The following RANBP17 variants were observed in gnomAD, a reference collection of about 807,000 sequenced individuals.
RANBP17 encodes the protein RAN binding protein 17, also known as ran-binding protein 17.
RANBP17 carries 158 observed loss-of-function variants against 141.2 expected under a neutral mutation model. The ratio of observed to expected loss-of-function variants is 1.12; its 90% CI spans 0.98 to 1.28. RANBP17 has a LOEUF of 1.28. Ranked by LOEUF, RANBP17 falls within the 50% of genes most tolerant of loss-of-function variation. The pLI is 0.00. For synonymous variants in RANBP17, 430 were observed against 450.0 expected (o/e 0.96, Z 0.56); for missense variants, 1,438 against 1,290.7 (o/e 1.11, Z -1.75).
Position 170,862,054 on chromosome 5 carries a change from C to G in RANBP17, c.18+3C>G, listed in dbSNP as rs1279842292. ...GGAAGATGGCGCTGCACTTCCAGGT[C>G]AGTGTGCTCTGCGCCGCGGGCCCGC... On this transcript the variant is annotated splice_donor_region_variant and intron_variant, in intron 1 of 27. Transcript: ENST00000523189. The G allele has an allele frequency of 1.8e-5, 27 of 1,461,804 alleles. No individual in the cohort carries two copies. In the East Asian group the frequency reaches 6.4e-4, roughly 34 times the overall value. The allele number at this position is 1,461,804 out of a possible 1,614,324, so 90.6% of individuals were successfully genotyped here. A position where few individuals can be genotyped will look rare whatever the true frequency, so the allele number is the denominator to read the frequency against.
At position 171,046,503 on chromosome 5, in the gene RANBP17, G is replaced by T. The variant is rs868248759; in HGVS notation, c.1710+78126G>T. 2.6e-5 allele frequency among the ~76,000 whole-genome samples: 4 copies of T among 151,916 alleles called. No homozygotes were observed. In the South Asian group the frequency reaches 8.3e-4, roughly 32 times the overall value. Reference sequence around the variant, plus strand: ...GATTACAGGATGAGCCACCGTGCCCGGCCAGTTCTGCCTTTTTAATGGCTG... The same window carrying T: ...GATTACAGGATGAGCCACCGTGCCCTGCCAGTTCTGCCTTTTTAATGGCTG... On this transcript the variant is annotated intron_variant, in intron 14 of 27. Coordinates refer to ENST00000523189, the MANE Select transcript of RANBP17 (RefSeq NM_022897.5).
At chr5:171,063,139 T>C (rs1174756916) in intron 14 of RANBP17, among the ~76,000 whole-genome samples, 3 of 152,238 alleles carry the variant, frequency 2.0e-5, no homozygotes, top group Admixed American at 6.5e-5. Context: ...TTTGATCGTC[T>C]GAAGCCTTCT....
chr5:171,024,921 A>G (rs1203812200), intron 14 of RANBP17, among the ~76,000 whole-genome samples: 1 of 152,154 alleles, frequency 6.6e-6, no homozygotes, highest in African/African-American at 2.4e-5. Context: ...GTCTCCAACT[A>G]TCTACATGAC....
chr5:171,190,458 G>A (rs980746242), intron 18 of RANBP17, among the ~76,000 whole-genome samples: 1 of 152,184 alleles, frequency 6.6e-6, no homozygotes, highest in Admixed American at 6.5e-5. Context: ...CAAAACATGT[G>A]AGAGATGTTG....
At chr5:170,952,580 T>C (rs1006104563) in intron 12 of RANBP17, among the ~76,000 whole-genome samples, 1 of 152,034 alleles carries the variant, frequency 6.6e-6, no homozygotes, top group Non-Finnish European at 1.5e-5. Flanking sequence ...TTTCTAACTT[T>C]TATTTGTCCT....
chr5:170,998,322 T>C (rs1388378526), intron 14 of RANBP17, among the ~76,000 whole-genome samples: 1 of 152,156 alleles, frequency 6.6e-6, no homozygotes, highest in Non-Finnish European at 1.5e-5. Flanking sequence ...TTCAAATCAT[T>C]AGGAACACTC....
chr5:171,097,150 T>C (rs1191832214), intron 14 of RANBP17, among the ~76,000 whole-genome samples: 1 of 152,186 alleles, frequency 6.6e-6, no homozygotes, highest in Non-Finnish European at 1.5e-5. Flanking sequence ...GGAAGAAATT[T>C]GAGTCATGTT....
At chr5:171,022,334 C>T (rs1780922593) in intron 14 of RANBP17, among the ~76,000 whole-genome samples, 1 of 152,186 alleles carries the variant, frequency 6.6e-6, no homozygotes, top group South Asian at 2.1e-4. Context: ...GTGGGGTGTG[C>T]TTCACTGGGG....
chr5:171,242,016 G>T (rs569254814), intron 23 of RANBP17, among the ~76,000 whole-genome samples: 257 of 151,208 alleles, frequency 1.7e-3, no homozygotes, highest in African/African-American at 5.5e-3. Context: ...TAGAGGCAGG[G>T]TCTTGCTGTG....
chr5:170,956,674 T>C (rs1164223632), intron 13 of RANBP17, among the ~76,000 whole-genome samples: 1 of 151,868 alleles, frequency 6.6e-6, no homozygotes, highest in Non-Finnish European at 1.5e-5. Context: ...GGTCTCGAAC[T>C]CTTGACCTCG....
At chr5:171,028,550 A>G (rs184255479) in intron 14 of RANBP17, among the ~76,000 whole-genome samples, 1 of 152,314 alleles carries the variant, frequency 6.6e-6, no homozygotes, top group Admixed American at 6.5e-5. Flanking sequence ...AAGCATTTAA[A>G]AAAATATTTT....
At chr5:171,035,653 T>G (rs1388352810) in intron 14 of RANBP17, among the ~76,000 whole-genome samples, 6 of 150,850 alleles carry the variant, frequency 4.0e-5, no homozygotes, top group Non-Finnish European at 1.5e-5. Flanking sequence ...AGCTGATAGG[T>G]GCTAAAGCCA....
Position 171,299,430 on chromosome 5 carries a change from A to C in RANBP17, c.*572A>C. 4.3e-6 allele frequency: 1 copy of C among 231,716 alleles called. No individual in the cohort carries two copies. The highest frequency in any genetic ancestry group is 8.6e-6 in the Non-Finnish European group (1 of 116,874). 14.4% of individuals were successfully genotyped at this position (231,716 alleles called of 1,614,324 possible). A position where few individuals can be genotyped will look rare whatever the true frequency, so the allele number is the denominator to read the frequency against. ...CAGCTGCATCTGATAAAGTTGAGAGACAGTAACACAATTAAATGACTTAGA... is the reference window on the plus strand; with the variant it reads ...CAGCTGCATCTGATAAAGTTGAGAGCCAGTAACACAATTAAATGACTTAGA... On this transcript the variant is annotated 3_prime_UTR_variant, in exon 28 of 28. Transcript: ENST00000523189.
At chr5:171,244,173 C>T (rs1765062485) in intron 24 of RANBP17, among the ~76,000 whole-genome samples, 2 of 152,038 alleles carry the variant, frequency 1.3e-5, no homozygotes, top group South Asian at 4.2e-4. Flanking sequence ...AGGTGGATCA[C>T]CTGAGGTCAG....
rs1775383685 is a variant in RANBP17 at position 170,953,683 on chromosome 5, G to C, written c.1555G>C (p.Asp519His). ...YTSTDEHDAM[D>H]GELSCRVFQL... is the part of the protein sequence containing the mutation. ...CAGTACAGATGAGCATGATGCTATG[G>C]ATGGAGAATTATCCTGTCGGTAAGT... The change falls in exon 13 of 28, where the codon GAT becomes CAT. Residue 519 changes from aspartate (D) to histidine (H), a missense_variant. Physicochemically the swap from Asp to His is moderately conservative, Grantham distance 81 (BLOSUM62 -1). Transcript: ENST00000523189. The C allele has an allele frequency of 1.2e-6, 2 of 1,604,228 alleles. No individual in the cohort carries two copies. Among genetic ancestry groups the C allele is most frequent in the African/African-American group, 2.7e-5 (2 of 74,824 alleles).
chr5:171,181,348 G>T (rs572118084), intron 16 of RANBP17, among the ~76,000 whole-genome samples: 13 of 152,228 alleles, frequency 8.5e-5, no homozygotes, highest in African/African-American at 3.1e-4. Flanking sequence ...TACTCGGGAG[G>T]CTGAGGCAGG....
rs190719183 is a variant in RANBP17, at chr5:171,023,036, C to G, written c.1710+54659C>G. On this transcript the variant is annotated intron_variant, in intron 14 of 27. Transcript: ENST00000523189. ...CACTGGTGGGAGGGGGCTCCCCTGC[C>G]CCATGTGGCTCAGATGGGCCACTAC... Among the ~76,000 whole-genome samples, 199 of 152,322 alleles carry G rather than the reference C, an allele frequency of 1.3e-3. 1 individual carries two copies. Among genetic ancestry groups the G allele is most frequent in the African/African-American group, 4.7e-3 (194 of 41,582 alleles).
At chr5:171,221,218 G>A (rs1261100243) in intron 21 of RANBP17, among the ~76,000 whole-genome samples, 2 of 152,200 alleles carry the variant, frequency 1.3e-5, no homozygotes, top group Non-Finnish European at 2.9e-5. Context: ...TCTCTTTACT[G>A]AAGTTGTATG....
Position 171,299,075 on chromosome 5 carries a change from G to A in RANBP17, c.*217G>A, listed in dbSNP as rs1393903935. Reference sequence around the variant, plus strand: ...CTTTTCTCTGAAAAGCAAAGGATGTGTTTTCAGTCTTTCTATCAAATATTA... The same window carrying A: ...CTTTTCTCTGAAAAGCAAAGGATGTATTTTCAGTCTTTCTATCAAATATTA... On this transcript the variant is annotated 3_prime_UTR_variant, in exon 28 of 28. Coordinates refer to ENST00000523189, the MANE Select transcript of RANBP17 (RefSeq NM_022897.5). The A allele has an allele frequency of 4.5e-6, 2 of 441,934 alleles. No homozygotes were observed. Among genetic ancestry groups the A allele is most frequent in the Non-Finnish European group, 4.1e-6 (1 of 246,414 alleles). 27.4% of individuals were successfully genotyped at this position (441,934 alleles called of 1,614,324 possible). A position where few individuals can be genotyped will look rare whatever the true frequency, so the allele number is the denominator to read the frequency against.
Sources: allele counts gnomAD v4.1 joint callset (sites outside exome capture counted in the v4.1 genomes callset), GRCh38; gene constraint gnomAD v4.1.1; transcripts MANE v1.5; gene names NCBI Gene and HGNC (gene_info 2026-07-23, HGNC 2026-07-21).